GSK3B: variants seen among roughly 807,000 people sequenced by gnomAD.
GSK3B encodes glycogen synthase kinase-3 beta.
Under a neutral mutation model 56.4 loss-of-function variants are expected in GSK3B, and 15 were observed. The observed-to-expected ratio is 0.27, with a 90% CI of 0.18 to 0.41. The LOEUF (loss-of-function observed/expected upper bound fraction) is 0.41, where lower values mean the gene tolerates loss of function less well. Ranked by LOEUF, GSK3B falls within the 10% of genes least tolerant of loss-of-function variation. The probability of loss-of-function intolerance (pLI) is 1.00; values close to 1 mark genes in which losing one functional copy is unlikely to be tolerated. For synonymous variants in GSK3B, 181 were observed against 188.9 expected (o/e 0.96, Z 0.34); for missense variants, 300 against 513.4 (o/e 0.58, Z 4.02).
At chr3:119,883,151 C>T (rs2056397665) in intron 7 of GSK3B, among the ~76,000 whole-genome samples, 1 of 152,128 alleles carries the variant, frequency 6.6e-6, no homozygotes, top group African/African-American at 2.4e-5. Context: ...CAACTACTAT[C>T]ATTTTTCTAG....
intron 1 of GSK3B, among the ~76,000 whole-genome samples, chr3:120,023,987 T>G (rs1234629191): frequency 6.6e-6 from 1 of 152,166 alleles, no homozygotes; most frequent in Admixed American, 6.5e-5. Context: ...GGGTAAATGT[T>G]CCAAATATTC....
chr3:119,913,637 CAAAACAGT>C (rs1244705287), intron 5 of GSK3B, among the ~76,000 whole-genome samples: 3 of 150,540 alleles, frequency 2.0e-5, no homozygotes, highest in Non-Finnish European at 4.4e-5. Flanking sequence ...GCAACAAAAT[CAAAACAGT>C]AAAACAGTAA....
chr3:119,928,791 A>G (rs1480926208), intron 3 of GSK3B, among the ~76,000 whole-genome samples: 1 of 152,068 alleles, frequency 6.6e-6, no homozygotes, highest in Non-Finnish European at 1.5e-5. Context: ...GGAGTTATGT[A>G]ACTATGAGCA....
Position 119,843,281 on chromosome 3 carries a change from G to A in GSK3B, c.1169C>T (p.Thr390Ile). 6.2e-7 allele frequency: 1 copy of A among 1,609,844 alleles called. No individual in the cohort carries two copies. ...PHARIQAAAS[T>I]PTNATAASDA... ...TGACGCTGCTGTGGCATTTGTGGGG[G>A]TTGAAGCAGCTGCTTGAATCCGAGC... Residue 390 changes from threonine to isoleucine, a missense_variant, in exon 10 of 11, where the codon ACC becomes ATC. Around this residue, in one of 6 missense-constraint regions of GSK3B, gnomAD observed 88 missense variants for 92.7 expected, o/e 0.95. Coordinates refer to ENST00000264235, the MANE Select transcript of GSK3B (RefSeq NM_001146156.2).
At chr3:119,949,478 C>A (rs1047707105) in intron 2 of GSK3B, among the ~76,000 whole-genome samples, 2 of 152,022 alleles carry the variant, frequency 1.3e-5, no homozygotes, top group Admixed American at 1.3e-4. Context: ...TTGGCATATT[C>A]AAGAAATAGC....
intron 7 of GSK3B, among the ~76,000 whole-genome samples, chr3:119,878,364 G>C (rs2056338889): frequency 6.6e-6 from 1 of 152,074 alleles, no homozygotes; most frequent in African/African-American, 2.4e-5. Context: ...CACAAGAAAA[G>C]ATGCTTGGCA....
At chr3:120,045,971 C>T (rs371650230) in intron 1 of GSK3B, among the ~76,000 whole-genome samples, 2 of 151,910 alleles carry the variant, frequency 1.3e-5, no homozygotes, top group Admixed American at 6.6e-5. Flanking sequence ...GTGAAAGAAC[C>T]ACGTCTAAAA....
chr3:120,084,039 T>C (rs1209692244), intron 1 of GSK3B, among the ~76,000 whole-genome samples: 1 of 152,152 alleles, frequency 6.6e-6, no homozygotes, highest in Non-Finnish European at 1.5e-5. Context: ...AAAAGTGCTC[T>C]AAAATTAGAT....
At chr3:120,032,569 C>T (rs1290095506) in intron 1 of GSK3B, among the ~76,000 whole-genome samples, 4 of 152,124 alleles carry the variant, frequency 2.6e-5, no homozygotes, top group African/African-American at 9.7e-5. Context: ...GTCCCAGCTA[C>T]TCAGAAGACT....
rs72548717 is a variant in GSK3B, at chr3:119,826,519, T to C, written c.*269A>G. ...AAAAAAGATTGTCGTGGGAGAGAGA[T>C]TGTATGTTCTAGTGCTCCGCTTTCC... On this transcript the variant is annotated 3_prime_UTR_variant, in exon 11 of 11. Coordinates refer to ENST00000264235, the MANE Select transcript of GSK3B (RefSeq NM_001146156.2). 2.3e-3 allele frequency: 1,306 copies of C among 568,824 alleles called. 9 individuals are homozygous for C. Among genetic ancestry groups the C allele is most frequent in the Middle Eastern group, 0.011 (23 of 2,058 alleles). 35.2% of individuals were successfully genotyped at this position (568,824 alleles called of 1,614,324 possible).
chr3:120,081,942 A>T (rs181269835), intron 1 of GSK3B, among the ~76,000 whole-genome samples: 1 of 152,348 alleles, frequency 6.6e-6, no homozygotes, highest in Non-Finnish European at 1.5e-5. Context: ...ACTGAAAGCC[A>T]GCTAAGGTCT....
chr3:120,034,419 G>A (rs1049840571), intron 1 of GSK3B, among the ~76,000 whole-genome samples: 2 of 152,138 alleles, frequency 1.3e-5, no homozygotes, highest in South Asian at 2.1e-4. Flanking sequence ...TGAGGTAGGA[G>A]TTAAACTTCA....
At chr3:120,018,908 TAC>T (rs2057849384) in intron 1 of GSK3B, among the ~76,000 whole-genome samples, 1 of 152,166 alleles carries the variant, frequency 6.6e-6, no homozygotes. Context: ...TAAGTAATAA[TAC>T]ATAGCCTAAC....
At chr3:119,985,360 T>C (rs1402054452) in intron 2 of GSK3B, among the ~76,000 whole-genome samples, 1 of 152,058 alleles carries the variant, frequency 6.6e-6, no homozygotes, top group East Asian at 1.9e-4. Flanking sequence ...GAGAAAGAAA[T>C]AAAGGGCATT....
chr3:120,002,177 G>A lies in GSK3B; in HGVS notation c.151C>T (p.Pro51Ser). 1.9e-6 allele frequency: 3 copies of A among 1,609,932 alleles called. No individual in the cohort carries two copies. The highest frequency in any genetic ancestry group is 2.5e-6 in the Non-Finnish European group (3 of 1,178,146). Reference sequence around the variant, plus strand: ...GTGTCTGTATAGCTGACTTCTTGTGGCCTGTCTGGACCCTGCCCAGGAGTT... The same window carrying A: ...GTGTCTGTATAGCTGACTTCTTGTGACCTGTCTGGACCCTGCCCAGGAGTT... Reference protein sequence around the residue: ...VATPGQGPDRPQEVSYTDTKV... With the variant: ...VATPGQGPDRSQEVSYTDTKV... The change falls in exon 2 of 11, where the codon CCA (proline) becomes TCA (serine). Residue 51 changes from proline to serine, a missense_variant. By Grantham distance (74) the Pro-to-Ser change is moderately conservative. This residue lies in a region of GSK3B where 53 missense variants were observed against 64.6 expected (regional missense o/e 0.82). Transcript: ENST00000264235.
chr3:119,977,503 C>A (rs1256913535), intron 2 of GSK3B, among the ~76,000 whole-genome samples: 2 of 152,208 alleles, frequency 1.3e-5, no homozygotes, highest in African/African-American at 2.4e-5. Flanking sequence ...TTTCTTAGAG[C>A]TGTACTGGCA....
intron 4 of GSK3B, among the ~76,000 whole-genome samples, chr3:119,922,193 GT>G (rs2107464225): frequency 7.0e-6 from 1 of 142,886 alleles, no homozygotes; most frequent in African/African-American, 2.6e-5. Context: ...AGGTAGGTAG[GT>G]AGGTAGGGAA....
At chr3:120,064,326 A>C (rs2058262722) in intron 1 of GSK3B, among the ~76,000 whole-genome samples, 1 of 151,990 alleles carries the variant, frequency 6.6e-6, no homozygotes, top group Admixed American at 6.6e-5. Flanking sequence ...AAAGTTGCAG[A>C]ATATAAGATC....
chr3:119,925,334 A>G (rs143948895), intron 3 of GSK3B, among the ~76,000 whole-genome samples: 9 of 152,286 alleles, frequency 5.9e-5, no homozygotes, highest in Non-Finnish European at 1.2e-4. Context: ...TCTCAAAATC[A>G]ATTTGTCCAG....
Sources: gnomAD v4.1 joint callset for allele counts (sites outside exome capture counted in the v4.1 genomes callset) on GRCh38, gnomAD v4.1.1 for gene constraint, gnomAD v4.1.1 regional missense constraint, MANE v1.5 for transcripts, NCBI Gene and HGNC (gene_info 2026-07-23, HGNC 2026-07-21) for gene names.